RRH: variants seen among roughly 807,000 people sequenced by gnomAD.
RRH encodes visual pigment-like receptor peropsin.
In RRH, 36 loss-of-function variants were observed where a neutral mutation model predicts 33.1. That is an observed-to-expected ratio of 1.09 (90% CI 0.83 to 1.44). The LOEUF (loss-of-function observed/expected upper bound fraction) is 1.44. Among genes scored for constraint, RRH ranks in the 40% most tolerant of loss-of-function variants. The pLI, the probability that RRH is intolerant of heterozygous loss-of-function variation, is 0.00. For missense variants in RRH, 393 were observed against 420.2 expected, an observed-to-expected ratio of 0.94 and a Z score of 0.57; for synonymous variants, 124 against 140.2, an observed-to-expected ratio of 0.88 and a Z score of 0.82.
rs56989659 is a variant in RRH at position 109,836,891 on chromosome 4, C to CAAAAAAAAAAAAAAAAAAA, written c.552-544_552-526dup. Among the ~76,000 whole-genome samples, 120 of 84,392 alleles carry CAAAAAAAAAAAAAAAAAAA rather than the reference C, an allele frequency of 1.4e-3. 5 individuals carry two copies. The highest frequency in any genetic ancestry group is 5.8e-3 in the African/African-American group (98 of 16,810). The allele number at this position is 84,392 out of a possible 152,430, so 55.4% of individuals were successfully genotyped here. ...GCAACATATTGAGACCCTGTCTCTA[C>CAAAAAAAAAAAAAAAAAAA]AAAAAAAAAAAAAAAAAAAAGCAGA... On this transcript the variant is annotated intron_variant, in intron 4 of 6. Coordinates refer to ENST00000317735, the MANE Select transcript of RRH (RefSeq NM_006583.5).
At chr4:109,829,606 T>A (rs1398698511) in intron 1 of RRH, among the ~76,000 whole-genome samples, 2 of 152,144 alleles carry the variant, frequency 1.3e-5, no homozygotes, top group African/African-American at 4.8e-5. Flanking sequence ...TCTAAAACCT[T>A]ACACATACAG....
chr4:109,835,908 G>A (rs1733871982), intron 3 of RRH, 99 bp from the exon 4 acceptor site: 1 of 1,465,264 alleles, frequency 6.8e-7, no homozygotes, highest in Admixed American at 1.7e-5. Context: ...AAAGTGCTCT[G>A]TAAAGAATCT....
intron 5 of RRH, among the ~76,000 whole-genome samples, chr4:109,839,945 T>C (rs1733955741): frequency 6.6e-6 from 1 of 152,210 alleles, no homozygotes; most frequent in Non-Finnish European, 1.5e-5. Context: ...GCATGTGTCT[T>C]TATAATACAA....
intron 1 of RRH, 101 bp downstream of exon 1, chr4:109,828,234 C>T (rs893412937): frequency 1.3e-6 from 1 of 761,602 alleles, no homozygotes; most frequent in African/African-American, 1.7e-5. Context: ...TATTATTGGC[C>T]AACCTTGACA....
At chr4:109,842,685 A>G (rs1308408857) in intron 6 of RRH, 38 bp downstream of exon 6, 5 of 1,543,024 alleles carry the variant, frequency 3.2e-6, no homozygotes, top group Non-Finnish European at 4.5e-6. Context: ...ACAAAATAAA[A>G]CTGATATAAA....
chr4:109,829,832 C>T (rs1343418167), intron 1 of RRH, among the ~76,000 whole-genome samples: 1 of 152,112 alleles, frequency 6.6e-6, no homozygotes, highest in Non-Finnish European at 1.5e-5. Flanking sequence ...GTTTGTGTTT[C>T]TGGTGGATCC....
intron 5 of RRH, among the ~76,000 whole-genome samples, chr4:109,841,837 C>G (rs1049686449): frequency 1.3e-5 from 2 of 151,980 alleles, no homozygotes; most frequent in Non-Finnish European, 2.9e-5. Context: ...TTTTAGCAGG[C>G]AATCTAGGGA....
intron 1 of RRH, among the ~76,000 whole-genome samples, chr4:109,832,416 C>T (rs1363146159): frequency 6.7e-6 from 1 of 150,282 alleles, no homozygotes; most frequent in Non-Finnish European, 1.5e-5. Flanking sequence ...AGCTGTGAGG[C>T]TTCTCTATGG....
intron 5 of RRH, among the ~76,000 whole-genome samples, chr4:109,841,467 G>C (rs1295483771): frequency 1.3e-5 from 2 of 152,088 alleles, no homozygotes; most frequent in Non-Finnish European, 2.9e-5. Context: ...GGGAGAGGAA[G>C]GGGAAGTTAC....
intron 1 of RRH, among the ~76,000 whole-genome samples, chr4:109,831,461 A>G (rs1414364149): frequency 6.6e-6 from 1 of 152,194 alleles, no homozygotes; most frequent in Admixed American, 6.5e-5. Flanking sequence ...ATCCACATGA[A>G]AAGACAAGGA....
At chr4:109,837,410 A>G in intron 4 of RRH, 27 bp from the exon 5 acceptor site, 1 of 1,606,170 alleles carries the variant, frequency 6.2e-7, no homozygotes, top group Non-Finnish European at 8.5e-7. Flanking sequence ...TAAATGAGCA[A>G]TCATGATTGC....
chr4:109,828,081 G>C lies in RRH; in HGVS notation c.54G>C (p.Ser18=). ...CAGACTCTAAAAATGAAGATGGCTC[G>C]GTCTTTTCACAGACTGAACACAATA... is the stretch of plus-strand genomic sequence containing the variant. ...NSSDSKNEDG[S]VFSQTEHNIV... The change falls in exon 1 of 7, where the codon TCG becomes TCC. Residue 18 remains serine, a synonymous_variant. Transcript: ENST00000317735. 6.2e-7 allele frequency: 1 copy of C among 1,612,706 alleles called. No individual in the cohort carries two copies. The highest frequency in any genetic ancestry group is 8.5e-7 in the Non-Finnish European group (1 of 1,178,946).
intron 3 of RRH, 99 bp downstream of exon 3, chr4:109,835,564 T>C: frequency 1.1e-6 from 1 of 879,028 alleles, no homozygotes; most frequent in East Asian, 2.5e-5. Flanking sequence ...GGTTTGTAGT[T>C]AGGGTCAGTT....
Position 109,844,091 on chromosome 4 carries a change from G to A in RRH, c.908G>A (p.Arg303Lys). 6.2e-7 allele frequency: 1 copy of A among 1,609,572 alleles called. No homozygotes were observed. Among genetic ancestry groups the A allele is most frequent in the Non-Finnish European group, 8.5e-7 (1 of 1,175,974 alleles). The change falls in exon 7 of 7, where the codon AGG becomes AAG. Residue 303 changes from arginine (R) to lysine (K), a missense_variant. Coordinates refer to ENST00000317735, the MANE Select transcript of RRH (RefSeq NM_006583.5). Reference sequence around the variant, plus strand: ...TCCTTTTTTTATCGTAGGTTTCGGAGGGCAATGCTTGCCATGTTCAAATGT... The same window carrying A: ...TCCTTTTTTTATCGTAGGTTTCGGAAGGCAATGCTTGCCATGTTCAAATGT... ...IYVVANKKFR[R>K]AMLAMFKCQT...
Position 109,836,001 on chromosome 4 carries a change from T to C in RRH, c.398-6T>C, listed in dbSNP as rs770921419. 20 of 1,614,054 alleles carry C rather than the reference T, an allele frequency of 1.2e-5. No homozygotes were observed. Among genetic ancestry groups the C allele is most frequent in the Non-Finnish European group, 1.4e-5 (16 of 1,180,024 alleles). On this transcript the variant is annotated splice_region_variant and splice_polypyrimidine_tract_variant and intron_variant, in intron 3 of 6. Transcript: ENST00000317735. ...TGTTGCTAATATTTCCTGTGCTTGA[T>C]AATAGGGAGAAGAATGACCACCAAC...
At chr4:109,831,249 G>A (rs1157038534) in intron 1 of RRH, among the ~76,000 whole-genome samples, 2 of 151,920 alleles carry the variant, frequency 1.3e-5, no homozygotes, top group Admixed American at 6.6e-5. Flanking sequence ...TAAATTCTTC[G>A]GAGTATATCT....
chr4:109,844,911 A>T lies in RRH; in HGVS notation c.*714A>T, dbSNP rs1243032145. On this transcript the variant is annotated 3_prime_UTR_variant, in exon 7 of 7. Transcript: ENST00000317735. ...TACCCAATTCTGTCTGGCATGTAGT[A>T]GGCACTCAATAAATATTTTTTCAAT... Among the ~76,000 whole-genome samples the T allele has an allele frequency of 6.6e-6, 1 of 152,178 alleles. No individual in the cohort carries two copies. The highest frequency in any genetic ancestry group is 1.9e-4 in the East Asian group (1 of 5,200).
At chr4:109,837,684 C>G (rs149268043) in intron 5 of RRH, 79 bp downstream of exon 5, 2 of 1,064,064 alleles carry the variant, frequency 1.9e-6, no homozygotes, top group East Asian at 2.6e-5. Context: ...CTGGGACCAC[C>G]GCAGTCTTCT....
In RRH at chr4:109,833,118, T is replaced by C. The variant is rs144148056; in HGVS notation, c.107-21T>C. ...CATTCAAATTAAACAAAATGCATCATATTTTTGTGTGTGTTCTCAGGTATG... is the reference window on the plus strand; with the variant it reads ...CATTCAAATTAAACAAAATGCATCACATTTTTGTGTGTGTTCTCAGGTATG... On this transcript the variant is annotated intron_variant, in intron 1 of 6. Coordinates refer to ENST00000317735, the MANE Select transcript of RRH (RefSeq NM_006583.5). 206 of 1,589,760 alleles carry C rather than the reference T, an allele frequency of 1.3e-4. No individual in the cohort carries two copies. The African/African-American group carries it at 2.4e-3, about 19-fold the overall frequency.
Sources: allele counts gnomAD v4.1 joint callset (sites outside exome capture counted in the v4.1 genomes callset), GRCh38; gene constraint gnomAD v4.1.1; transcripts MANE v1.5; gene names NCBI Gene and HGNC (gene_info 2026-07-23, HGNC 2026-07-21).